RAB3GAP1: variants seen among roughly 807,000 people sequenced by gnomAD.
RAB3GAP1 encodes rab3 GTPase-activating protein catalytic subunit.
RAB3GAP1 carries 86 observed loss-of-function variants against 130.7 expected under a neutral mutation model. The ratio of observed to expected loss-of-function variants is 0.66; its 90% CI spans 0.55 to 0.79. The LOEUF (loss-of-function observed/expected upper bound fraction) is 0.79, where lower values mean the gene tolerates loss of function less well. RAB3GAP1 is among the 30% of genes least tolerant of loss of function. The pLI, the probability that RAB3GAP1 is intolerant of heterozygous loss-of-function variation, is 0.00. For missense variants in RAB3GAP1, 1,029 were observed against 1,169.4 expected (o/e 0.88, Z 1.75); for synonymous variants, 367 against 401.7 (o/e 0.91, Z 1.03).
intron 7 of RAB3GAP1, among the ~76,000 whole-genome samples, chr2:135,117,654 GCTT>G (rs1169996527): frequency 8.1e-4 from 18 of 22,298 alleles, no homozygotes; most frequent in Admixed American, 5.4e-3. Flanking sequence ...TTCTGCTTCT[GCTT>G]CTTCTGCTTC....
In RAB3GAP1 at chr2:135,134,008, T is replaced by A. The variant is rs1229708538; in HGVS notation, c.1474T>A (p.Trp492Arg). 1 of 1,613,800 alleles carries A rather than the reference T, an allele frequency of 6.2e-7. No individual in the cohort carries two copies. Among genetic ancestry groups the A allele is most frequent in the Non-Finnish European group, 8.5e-7 (1 of 1,179,812 alleles). ...ATTTGTTCTTGAAATGCGTTTCCGA[T>A]GGGAAAACAACTTTCTGATTCCAGG... The part of the protein sequence containing the change: ...QEFVLEMRFR[W>R]ENNFLIPGLA... The change falls in exon 15 of 24, where the codon TGG becomes AGG. Residue 492 changes from tryptophan to arginine, a missense_variant. This residue lies in a region of RAB3GAP1 where 373 missense variants were observed against 493.6 expected (regional missense o/e 0.76). Coordinates refer to ENST00000264158, the MANE Select transcript of RAB3GAP1 (RefSeq NM_012233.3).
chr2:135,074,895 G>A (rs1259552179), intron 3 of RAB3GAP1, among the ~76,000 whole-genome samples: 1 of 152,154 alleles, frequency 6.6e-6, no homozygotes, highest in Non-Finnish European at 1.5e-5. Flanking sequence ...ATGCCAAAGG[G>A]GCCATGTATG....
rs753531964 is a variant in RAB3GAP1, at chr2:135,113,162, G to A, written c.374G>A (p.Arg125His). The change falls in exon 6 of 24, where the codon CGT becomes CAT. Residue 125 changes from arginine (R) to histidine (H), a missense_variant. Around this residue, in one of 3 missense-constraint regions of RAB3GAP1, gnomAD observed 510 missense variants for 532.1 expected, o/e 0.96. Transcript: ENST00000264158. ...AHCLVRWYGL[R>H]EFVVIAPAAH... Reference sequence around the variant, plus strand: ...ATTCTTTTTTTAAGGTATGGGCTACGTGAGTTCGTGGTGATTGCCCCTGCT... The same window carrying A: ...ATTCTTTTTTTAAGGTATGGGCTACATGAGTTCGTGGTGATTGCCCCTGCT... 6.8e-6 allele frequency: 11 copies of A among 1,614,012 alleles called. No homozygotes were observed. The highest frequency in any genetic ancestry group is 4.0e-5 in the African/African-American group (3 of 74,914).
At chr2:135,056,537 T>A (rs1689017540) in intron 2 of RAB3GAP1, among the ~76,000 whole-genome samples, 1 of 152,228 alleles carries the variant, frequency 6.6e-6, no homozygotes, top group Admixed American at 6.5e-5. Context: ...ATGATTTTTA[T>A]TGGGTGCATA....
At chr2:135,107,157 A>G (rs1690652226) in intron 5 of RAB3GAP1, among the ~76,000 whole-genome samples, 1 of 152,092 alleles carries the variant, frequency 6.6e-6, no homozygotes, top group South Asian at 2.1e-4. Context: ...ACTATATTTC[A>G]AAAATAAAGA....
intron 3 of RAB3GAP1, chr2:135,059,198 C>T (rs976891700): frequency 1.3e-5 from 2 of 152,134 alleles, no homozygotes; most frequent in African/African-American, 4.8e-5. Context: ...GTGACGCTTT[C>T]AAACACGGGT....
chr2:135,094,843 A>G (rs1349444221), intron 5 of RAB3GAP1, among the ~76,000 whole-genome samples: 1 of 152,106 alleles, frequency 6.6e-6, no homozygotes, highest in African/African-American at 2.4e-5. Flanking sequence ...AATGTCTTTC[A>G]GTTCCTTCTA....
In RAB3GAP1 at chr2:135,113,137, A is replaced by C; in HGVS notation, c.363-14A>C. On this transcript the variant is annotated splice_polypyrimidine_tract_variant and intron_variant, in intron 5 of 23. Transcript: ENST00000264158. ...AGGTTTCCCCTGTTTAATGCAGTTA[A>C]TTCTTTTTTTAAGGTATGGGCTACG... The C allele has an allele frequency of 1.2e-6, 2 of 1,614,058 alleles. No homozygotes were observed. Among genetic ancestry groups the C allele is most frequent in the Non-Finnish European group, 1.7e-6 (2 of 1,179,996 alleles).
At chr2:135,099,585 G>T (rs1374824764) in intron 5 of RAB3GAP1, among the ~76,000 whole-genome samples, 1 of 151,832 alleles carries the variant, frequency 6.6e-6, no homozygotes, top group Admixed American at 6.6e-5. Flanking sequence ...TGGTATCAGA[G>T]TAATGTTGGC....
chr2:135,101,286 G>A lies in RAB3GAP1; in HGVS notation c.362+7593G>A, dbSNP rs115830629. Among the ~76,000 whole-genome samples, 1,047 of 152,232 alleles carry A rather than the reference G, an allele frequency of 6.9e-3. 10 individuals are homozygous for A. Among genetic ancestry groups the A allele is most frequent in the African/African-American group, 0.024 (991 of 41,568 alleles). ...CTTGTAATGCTTCAGAGATACTGAA[G>A]AATAACATACACAGAAGTTTTCACC... On this transcript the variant is annotated intron_variant, in intron 5 of 23. Transcript: ENST00000264158.
downstream of RAB3GAP1, among the ~76,000 whole-genome samples, chr2:135,172,902 A>G (rs1463886802): frequency 6.6e-6 from 1 of 152,198 alleles, no homozygotes; most frequent in Non-Finnish European, 1.5e-5. Context: ...AAGTGTTGGT[A>G]TGTCACTCCC....
chr2:135,058,144 CA>C, intron 3 of RAB3GAP1, 58 bp downstream of exon 3: 2 of 1,403,530 alleles, frequency 1.4e-6, no homozygotes, highest in Non-Finnish European at 2.0e-6. Flanking sequence ...CTCTATTTTC[CA>C]GCCCTTTGCT....
At chr2:135,117,459 TCTGCTTCTGCTTCTG>T (rs1691012026) in intron 7 of RAB3GAP1, among the ~76,000 whole-genome samples, 7 of 62,244 alleles carry the variant, frequency 1.1e-4, no homozygotes, top group East Asian at 3.8e-4. Context: ...TTCTTCTGCT[TCTGCTTCTGCTTCTG>T]CTTCTTCTGC....
chr2:135,074,231 G>A (rs1017193990), intron 3 of RAB3GAP1, among the ~76,000 whole-genome samples: 9 of 152,134 alleles, frequency 5.9e-5, no homozygotes, highest in African/African-American at 2.2e-4. Flanking sequence ...GAGAAAGAGG[G>A]GGGTCTGACT....
chr2:135,091,850 G>A (rs997983016), intron 4 of RAB3GAP1, among the ~76,000 whole-genome samples: 1 of 152,182 alleles, frequency 6.6e-6, no homozygotes, highest in Admixed American at 6.5e-5. Flanking sequence ...GTGCATAACA[G>A]TGAGTGAGCA....
intron 19 of RAB3GAP1, among the ~76,000 whole-genome samples, chr2:135,157,842 A>C (rs889118494): frequency 2.6e-5 from 4 of 151,788 alleles, no homozygotes; most frequent in Non-Finnish European, 4.4e-5. Context: ...AAAAAAAAAA[A>C]AAAAAAACAA....
At chr2:135,074,842 T>C (rs771627215) in intron 3 of RAB3GAP1, among the ~76,000 whole-genome samples, 2 of 152,210 alleles carry the variant, frequency 1.3e-5, no homozygotes, top group Non-Finnish European at 2.9e-5. Flanking sequence ...GAGAAGGGGC[T>C]GTCTACTAAG....
At chr2:135,129,813 A>C (rs140571819) in intron 11 of RAB3GAP1, among the ~76,000 whole-genome samples, 182 bp from the exon 12 acceptor site, 7 of 152,294 alleles carry the variant, frequency 4.6e-5, no homozygotes, top group African/African-American at 1.7e-4. Flanking sequence ...GGAGAGAAAG[A>C]AAAGAACAAG....
intron 3 of RAB3GAP1, among the ~76,000 whole-genome samples, chr2:135,077,268 TCAACAACAACAA>T (rs111433011): frequency 6.6e-6 from 1 of 151,358 alleles, no homozygotes; most frequent in Non-Finnish European, 1.5e-5. Context: ...AGACTCCATC[TCAACAACAACAA>T]CAACAACAAC....
Sources: allele counts gnomAD v4.1 joint callset (sites outside exome capture counted in the v4.1 genomes callset), GRCh38; gene constraint gnomAD v4.1.1; regional missense constraint gnomAD v4.1.1; transcripts MANE v1.5; gene names NCBI Gene and HGNC (gene_info 2026-07-23, HGNC 2026-07-21).